The following NBAS variants were observed in gnomAD, a reference collection of about 807,000 sequenced individuals.
NBAS encodes the protein NBAS subunit of NRZ tethering complex.
A neutral mutation model predicts 302.5 loss-of-function variants in NBAS; 219 were observed. The observed-to-expected ratio is 0.72, with a 90% CI of 0.65 to 0.81. The LOEUF is 0.81. NBAS is among the 30% of genes least tolerant of loss of function. NBAS has a pLI of 0.00. For synonymous variants in NBAS, 1,118 were observed against 1,021.6 expected (o/e 1.09, Z -1.80); for missense variants, 2,932 against 2,841.6 (o/e 1.03, Z -0.72).
chr2:15,066,488 T>C, the NBAS span, among the ~76,000 whole-genome samples: 1 of 151,940 alleles, frequency 6.6e-6, no homozygotes, highest in South Asian at 2.1e-4. Flanking sequence ...CCAAAACACA[T>C]AGGGAAATCA....
the NBAS span, among the ~76,000 whole-genome samples, chr2:15,055,244 G>GA: frequency 1.3e-5 from 2 of 151,904 alleles, no homozygotes; most frequent in Non-Finnish European, 2.9e-5. Flanking sequence ...GAGGTTTCAA[G>GA]AAAAAAAGAC....
At chr2:15,275,390 A>G in intron 44 of NBAS, 94 bp downstream of exon 44, 1 of 1,352,504 alleles carries the variant, frequency 7.4e-7, no homozygotes, top group Non-Finnish European at 1.0e-6. Flanking sequence ...AATTATTTTC[A>G]AGAAAGGAAA....
the NBAS span, among the ~76,000 whole-genome samples, chr2:14,816,205 C>T: frequency 6.6e-6 from 1 of 152,214 alleles, no homozygotes; most frequent in African/African-American, 2.4e-5. Context: ...TGGTCTGTGA[C>T]CTGTCAGGAA....
At position 15,548,057 on chromosome 2, in the gene NBAS, A is replaced by G. The variant is rs568713045; in HGVS notation, c.379+3436T>C. Among the ~76,000 whole-genome samples, 20 of 152,336 alleles carry G rather than the reference A, an allele frequency of 1.3e-4. No individual in the cohort carries two copies. The South Asian group carries it at 2.9e-3, about 22-fold the overall frequency. Reference sequence around the variant, plus strand: ...TTATACATGGATCTCTATAATATGTATAATATAGACAGTATTATATATAAT... The same window carrying G: ...TTATACATGGATCTCTATAATATGTGTAATATAGACAGTATTATATATAAT... On this transcript the variant is annotated intron_variant, in intron 6 of 51. Transcript: ENST00000281513.
chr2:15,509,390 TG>T (rs1217589234), intron 10 of NBAS, among the ~76,000 whole-genome samples: 5 of 152,138 alleles, frequency 3.3e-5, no homozygotes, highest in African/African-American at 1.2e-4. Flanking sequence ...ACTAGGTAGA[TG>T]GACAATAAAT....
the NBAS span, among the ~76,000 whole-genome samples, chr2:15,022,928 CTATT>C: frequency 7.3e-5 from 11 of 151,572 alleles, no homozygotes; most frequent in Non-Finnish European, 1.6e-4. Flanking sequence ...TATACTTTTC[CTATT>C]TAGTTTTTTT....
the NBAS span, among the ~76,000 whole-genome samples, chr2:14,961,778 C>T: frequency 2.9e-3 from 443 of 152,172 alleles, 4 homozygotes; most frequent in African/African-American, 0.01. Flanking sequence ...TGTGCCATAA[C>T]CCTTCTCTAT....
At chr2:15,066,101 T>C in the NBAS span, among the ~76,000 whole-genome samples, 1 of 152,048 alleles carries the variant, frequency 6.6e-6, no homozygotes, top group African/African-American at 2.4e-5. Flanking sequence ...AATTGCTCTT[T>C]GACAAGGGTG....
intron 44 of NBAS, among the ~76,000 whole-genome samples, chr2:15,257,185 T>C (rs186085881): frequency 5.6e-4 from 86 of 152,314 alleles, no homozygotes; most frequent in Admixed American, 3.5e-3. Context: ...TTGGACTTTT[T>C]TGGTTGGCAA....
chr2:15,044,646 G>C, the NBAS span, among the ~76,000 whole-genome samples: 1 of 152,126 alleles, frequency 6.6e-6, no homozygotes, highest in African/African-American at 2.4e-5. Flanking sequence ...ACTTAGATAA[G>C]ACTCTGTTTT....
the NBAS span, among the ~76,000 whole-genome samples, chr2:15,158,251 A>G: frequency 6.6e-6 from 1 of 152,168 alleles, no homozygotes; most frequent in African/African-American, 2.4e-5. Flanking sequence ...TGGCTGTGGG[A>G]TCCCGTTGCC....
chr2:14,833,856 G>T, the NBAS span, among the ~76,000 whole-genome samples: 1 of 151,576 alleles, frequency 6.6e-6, no homozygotes, highest in East Asian at 2.0e-4. Flanking sequence ...TAAATCACTT[G>T]TTCTTTGAAA....
chr2:15,175,201 C>T (rs1298441431), intron 51 of NBAS, among the ~76,000 whole-genome samples: 1 of 152,152 alleles, frequency 6.6e-6, no homozygotes, highest in African/African-American at 2.4e-5. Context: ...CTCCTGACCT[C>T]ATGATCCACC....
the NBAS span, among the ~76,000 whole-genome samples, chr2:14,782,824 G>C: frequency 6.6e-6 from 1 of 152,162 alleles, no homozygotes; most frequent in African/African-American, 2.4e-5. Flanking sequence ...GATAGAGCTG[G>C]AGGCCATTAT....
intron 48 of NBAS, among the ~76,000 whole-genome samples, chr2:15,207,659 G>A (rs914058160): frequency 6.6e-6 from 1 of 152,174 alleles, no homozygotes; most frequent in African/African-American, 2.4e-5. Context: ...TGCTGTTCTT[G>A]TGATAGAGTT....
chr2:15,103,003 GGAAGGAAGGAA>G, the NBAS span, among the ~76,000 whole-genome samples: 1 of 139,428 alleles, frequency 7.2e-6, no homozygotes, highest in Non-Finnish European at 1.6e-5. Context: ...AAGGAAGGAA[GGAAGGAAGGAA>G]GGAAGGAAGG....
chr2:15,038,143 T>C, the NBAS span, among the ~76,000 whole-genome samples: 1 of 149,002 alleles, frequency 6.7e-6, no homozygotes, highest in South Asian at 2.1e-4. Flanking sequence ...CATGTAGTCT[T>C]GCTCTGCCGC....
chr2:14,844,556 G>T, the NBAS span, among the ~76,000 whole-genome samples: 1 of 152,172 alleles, frequency 6.6e-6, no homozygotes. Context: ...TGCACCTTAG[G>T]TACCAGCTCT....
chr2:15,513,826 A>C (rs1259938578), intron 9 of NBAS, among the ~76,000 whole-genome samples: 2 of 146,588 alleles, frequency 1.4e-5, no homozygotes, highest in East Asian at 3.9e-4. Context: ...TCATCTCTAC[A>C]AAAAAAAAAA....
Sources: allele counts gnomAD v4.1 joint callset (sites outside exome capture counted in the v4.1 genomes callset), GRCh38; gene constraint gnomAD v4.1.1; transcripts MANE v1.5; gene names NCBI Gene and HGNC (gene_info 2026-07-23, HGNC 2026-07-21).